CFAP47: variants seen among roughly 807,000 people sequenced by gnomAD.
The protein encoded by CFAP47 is cilia- and flagella-associated protein 47.
In CFAP47, 29 loss-of-function variants were observed where a neutral mutation model predicts 148.1. The observed-to-expected ratio is 0.20, with a 90% CI of 0.15 to 0.27. The LOEUF is 0.27. Ranked by LOEUF, CFAP47 falls within the 10% of genes least tolerant of loss-of-function variation. The pLI, the probability that CFAP47 is intolerant of heterozygous loss-of-function variation, is 1.00. For missense variants in CFAP47, 1,872 were observed against 1,697.5 expected (o/e 1.10, Z -1.81); for synonymous variants, 664 against 577.3 (o/e 1.15, Z -2.15).
intron 26 of CFAP47, among the ~76,000 whole-genome samples, chrX:36,057,169 T>G (rs1179009807): frequency 8.9e-6 from 1 of 111,920 alleles, no homozygotes; most frequent in African/African-American, 3.2e-5. Context: ...ACACTCATAT[T>G]GCAGTCTTTT....
At chrX:36,364,600 G>C (rs1941856256) in intron 61 of CFAP47, among the ~76,000 whole-genome samples, 1 of 109,375 alleles carries the variant, frequency 9.1e-6, no homozygotes, top group Non-Finnish European at 1.9e-5. Context: ...ATTTGAGCCA[G>C]AGAAAATAAT....
intron 25 of CFAP47, among the ~76,000 whole-genome samples, chrX:36,045,003 A>G (rs1460041473): frequency 8.9e-6 from 1 of 112,285 alleles, no homozygotes; most frequent in East Asian, 2.8e-4. Context: ...ATATAAGCTC[A>G]TATAATCTAC....
chrX:36,266,525 C>T (rs185240721), intron 49 of CFAP47, among the ~76,000 whole-genome samples: 19 of 109,981 alleles, frequency 1.7e-4, no homozygotes, highest in African/African-American at 6.0e-4. Context: ...GTGGTGATGC[C>T]GCAGCTGATT....
chrX:36,263,470 T>G (rs1169583035), intron 49 of CFAP47, among the ~76,000 whole-genome samples: 6 of 112,251 alleles, frequency 5.3e-5, no homozygotes, highest in Admixed American at 9.4e-5. Context: ...TTTTATCCCT[T>G]GGAATAAACT....
intron 21 of CFAP47, among the ~76,000 whole-genome samples, chrX:36,012,613 A>G (rs1311827565): frequency 9.0e-6 from 1 of 111,307 alleles, no homozygotes; most frequent in Non-Finnish European, 1.9e-5. Flanking sequence ...GAGTTGAACA[A>G]TGAGAACACA....
At chrX:36,187,637 T>A (rs1264736523) in intron 40 of CFAP47, among the ~76,000 whole-genome samples, 1 of 111,861 alleles carries the variant, frequency 8.9e-6, no homozygotes, top group Admixed American at 9.5e-5. Flanking sequence ...GTGCAAATTA[T>A]GTAAAATAAT....
chrX:36,036,661 TAG>T (rs1937342140), intron 24 of CFAP47, among the ~76,000 whole-genome samples: 1 of 112,033 alleles, frequency 8.9e-6, no homozygotes, highest in Non-Finnish European at 1.9e-5. Context: ...TTCATTTTAT[TAG>T]ACTTATAAAA....
intron 36 of CFAP47, among the ~76,000 whole-genome samples, chrX:36,147,836 A>C (rs1939256955): frequency 8.9e-6 from 1 of 112,362 alleles, no homozygotes; most frequent in Non-Finnish European, 1.9e-5. Context: ...TCACTCTTCG[A>C]ATATCTGTGA....
intron 30 of CFAP47, among the ~76,000 whole-genome samples, 180 bp downstream of exon 30, chrX:36,085,718 G>A (rs2146777250): frequency 9.4e-6 from 1 of 106,139 alleles, no homozygotes; most frequent in African/African-American, 3.4e-5. Flanking sequence ...GTATGGTAAA[G>A]TATATATATC....
intron 39 of CFAP47, among the ~76,000 whole-genome samples, chrX:36,168,397 A>T (rs757142244): frequency 8.9e-6 from 1 of 111,915 alleles, no homozygotes; most frequent in African/African-American, 3.2e-5. Context: ...ATGTAAAACA[A>T]TCTAACTCAG....
intron 48 of CFAP47, among the ~76,000 whole-genome samples, chrX:36,243,904 T>G (rs1940581741): frequency 9.2e-6 from 1 of 108,854 alleles, no homozygotes; most frequent in Non-Finnish European, 1.9e-5. Context: ...TATACAATGG[T>G]CCACCAAACA....
At chrX:36,357,453 A>G (rs6632586) in intron 60 of CFAP47, among the ~76,000 whole-genome samples, 10,405 of 111,378 alleles carry the variant, frequency 0.093, 379 homozygotes, top group East Asian at 0.23. Flanking sequence ...GGGATTGATT[A>G]CCTTCATGTC....
intron 63 of CFAP47, among the ~76,000 whole-genome samples, chrX:36,383,794 TTGTC>T (rs199829795): frequency 0.032 from 3,584 of 111,408 alleles, 145 homozygotes; most frequent in African/African-American, 0.11. Flanking sequence ...AATATTCACT[TTGTC>T]TGGACCTATT....
intron 30 of CFAP47, among the ~76,000 whole-genome samples, chrX:36,096,818 A>G (rs1938286965): frequency 9.0e-6 from 1 of 111,038 alleles, no homozygotes; most frequent in Non-Finnish European, 1.9e-5. Context: ...TTTTGATTTA[A>G]TACTTTAGTC....
Position 35,924,209 on chromosome X carries a change from A to G in CFAP47, c.250-1808A>G, listed in dbSNP as rs758708653. On this transcript the variant is annotated intron_variant, in intron 1 of 63. Coordinates refer to ENST00000378653, the MANE Select transcript of CFAP47 (RefSeq NM_001304548.2). The stretch of plus-strand genomic sequence containing the variant: ...CATGTATGTGTATATATGGACATGT[A>G]TGTGTGCATGTATGTGTATATATGG... 8.5e-4 allele frequency among the ~76,000 whole-genome samples: 89 copies of G among 104,472 alleles called. 6 individuals are homozygous for G. The highest frequency in any genetic ancestry group is 3.1e-3 in the African/African-American group (84 of 27,053). 90.7% of individuals were successfully genotyped at this position (104,472 alleles called of 115,157 possible).
intron 23 of CFAP47, among the ~76,000 whole-genome samples, chrX:36,032,405 T>C (rs1254097169): frequency 1.8e-5 from 2 of 110,403 alleles, no homozygotes; most frequent in African/African-American, 3.3e-5. Flanking sequence ...AGACGTAATA[T>C]GTTTATGGAA....
intron 22 of CFAP47, among the ~76,000 whole-genome samples, chrX:36,027,929 A>G (rs1202059136): frequency 2.7e-5 from 3 of 111,304 alleles, no homozygotes; most frequent in Non-Finnish European, 3.8e-5. Context: ...AATGTTTTTC[A>G]TGTTTGTTGG....
intron 32 of CFAP47, among the ~76,000 whole-genome samples, chrX:36,100,183 T>A (rs1221210827): frequency 1.8e-5 from 2 of 111,519 alleles, no homozygotes; most frequent in Non-Finnish European, 3.8e-5. Flanking sequence ...GAAATATGTC[T>A]TTTTCATTTC....
chrX:36,298,349 A>C (rs1463615892), intron 51 of CFAP47, among the ~76,000 whole-genome samples: 1 of 98,770 alleles, frequency 1.0e-5, no homozygotes, highest in African/African-American at 3.7e-5. Context: ...CATAGGTGGG[A>C]ATGGAACAAT....
Sources: gnomAD v4.1 joint callset for allele counts (sites outside exome capture counted in the v4.1 genomes callset) on GRCh38, gnomAD v4.1.1 for gene constraint, MANE v1.5 for transcripts, NCBI Gene and HGNC (gene_info 2026-07-23, HGNC 2026-07-21) for gene names.